NUP35: variants seen among roughly 807,000 people sequenced by gnomAD.
NUP35 encodes the protein nucleoporin 35.
A neutral mutation model predicts 41.5 loss-of-function variants in NUP35; 25 were observed. The ratio of observed to expected loss-of-function variants is 0.60; its 90% confidence interval spans 0.44 to 0.84. The LOEUF (loss-of-function observed/expected upper bound fraction) is 0.84, where lower values mean the gene tolerates loss of function less well. NUP35 is among the 40% of genes least tolerant of loss of function. The pLI is 0.00. For synonymous variants in NUP35, 149 were observed against 130.7 expected, an observed-to-expected ratio of 1.14 and a Z score of -0.96; for missense variants, 396 against 396.6, an observed-to-expected ratio of 1.00 and a Z score of 0.01.
chr2:183,146,061 C>A (rs774230962), intron 4 of NUP35, among the ~76,000 whole-genome samples: 32 of 152,234 alleles, frequency 2.1e-4, no homozygotes, highest in Admixed American at 7.9e-4. Flanking sequence ...CCTGGTGAAA[C>A]CTCGTCTCTA....
intron 5 of NUP35, among the ~76,000 whole-genome samples, chr2:183,155,097 A>G (rs1685607913): frequency 6.6e-6 from 1 of 152,166 alleles, no homozygotes; most frequent in Non-Finnish European, 1.5e-5. Context: ...AACACATGGG[A>G]ATTCTGGGAG....
intron 4 of NUP35, among the ~76,000 whole-genome samples, chr2:183,147,915 AT>A (rs35434258): frequency 0.22 from 31,839 of 145,664 alleles, 3,747 homozygotes; most frequent in African/African-American, 0.32. Flanking sequence ...AGGTATTTTA[AT>A]TTTTTTTTTT....
upstream of NUP35, chr2:183,124,379 C>T: frequency 1.2e-6 from 2 of 1,613,110 alleles, no homozygotes; most frequent in South Asian, 2.2e-5. Flanking sequence ...GGTAGCACGC[C>T]GTTACCCGTG....
At chr2:183,132,382 T>A (rs2105552582) in intron 3 of NUP35, among the ~76,000 whole-genome samples, 1 of 149,428 alleles carries the variant, frequency 6.7e-6, no homozygotes, top group East Asian at 2.0e-4. Context: ...GCGAAACTCT[T>A]GTCTCTACTG....
At chr2:183,160,549 ATT>A in intron 8 of NUP35, 1 of 151,570 alleles carries the variant, frequency 6.6e-6, no homozygotes, top group East Asian at 2.0e-4. Context: ...CGCCCAGCTA[ATT>A]TTTTGTATTT....
intron 1 of NUP35, among the ~76,000 whole-genome samples, chr2:183,125,122 G>A (rs531602590): frequency 1.3e-5 from 2 of 151,804 alleles, no homozygotes; most frequent in Non-Finnish European, 2.9e-5. Flanking sequence ...GCCTTTATTT[G>A]GGGAAAGTGA....
intron 7 of NUP35, 21 bp from the exon 8 acceptor site, chr2:183,159,467 G>A: frequency 3.8e-6 from 6 of 1,594,124 alleles, no homozygotes; most frequent in Non-Finnish European, 5.1e-6. Context: ...AAACAAAGGA[G>A]TTATTTCTTT....
At chr2:183,160,337 C>T (rs1239876664) in intron 8 of NUP35, 2 of 152,044 alleles carry the variant, frequency 1.3e-5, no homozygotes, top group African/African-American at 4.8e-5. Context: ...TCTTTAGGTT[C>T]TATTACTGTT....
rs1700119405 is a variant in NUP35 at position 183,124,490 on chromosome 2, C to T, written c.33C>T (p.Pro11=). 6.2e-7 allele frequency: 1 copy of T among 1,614,138 alleles called. No homozygotes were observed. MAAFAVEPQG[P]ALGSEPMMLG... ...CCTTTGCAGTGGAACCTCAGGGGCCCGCGTTAGGTGAGTGAAATATTGCTT... is the reference window on the plus strand; with the variant it reads ...CCTTTGCAGTGGAACCTCAGGGGCCTGCGTTAGGTGAGTGAAATATTGCTT... Residue 11 remains proline (P), a synonymous_variant, in exon 1 of 9, where the codon CCC becomes CCT. Coordinates refer to ENST00000295119, the MANE Select transcript of NUP35 (RefSeq NM_138285.5).
chr2:183,138,269 A>ATATTTTTTT lies in NUP35; in HGVS notation c.397+4647_397+4648insATTTTTTTT. Among the ~76,000 whole-genome samples the ATATTTTTTT allele has an allele frequency of 1.8e-3, 145 of 80,658 alleles. 1 individual carries two copies. The highest frequency in any genetic ancestry group is 7.9e-3 in the African/African-American group (128 of 16,142). 52.9% of individuals were successfully genotyped at this position (80,658 alleles called of 152,430 possible). A position where few individuals can be genotyped will look rare whatever the true frequency, so the allele number is the denominator to read the frequency against. On this transcript the variant is annotated intron_variant, in intron 4 of 8. Transcript: ENST00000295119. ...GCTATATATATATATATATATATAT[A>ATATTTTTTT]TTTTTTTTTTTTTTTAGCTCCTGTA... is the stretch of plus-strand genomic sequence containing the variant.
intron 4 of NUP35, among the ~76,000 whole-genome samples, chr2:183,149,791 T>C (rs1310632462): frequency 1.3e-5 from 2 of 152,248 alleles, no homozygotes; most frequent in African/African-American, 4.8e-5. Context: ...TTATTTAATA[T>C]TATCCTGTTT....
chr2:183,122,422 T>C (rs1280452221), upstream of NUP35, among the ~76,000 whole-genome samples: 1 of 152,188 alleles, frequency 6.6e-6, no homozygotes, highest in African/African-American at 2.4e-5. Context: ...GAAGTATCAC[T>C]CTTTTCTCTT....
chr2:183,122,756 T>G (rs1461616438), upstream of NUP35, among the ~76,000 whole-genome samples: 1 of 152,192 alleles, frequency 6.6e-6, no homozygotes, highest in Non-Finnish European at 1.5e-5. Context: ...ACATCTAGCC[T>G]CAATGTGTGT....
chr2:183,131,146 A>ATT (rs150480789), intron 3 of NUP35: 19 of 229,056 alleles, frequency 8.3e-5, no homozygotes, highest in South Asian at 9.9e-5. Context: ...GGCTAATTGT[A>ATT]TTTTTTTTTG....
intron 4 of NUP35, among the ~76,000 whole-genome samples, chr2:183,142,857 A>G (rs1298816739): frequency 2.0e-5 from 3 of 151,752 alleles, no homozygotes; most frequent in African/African-American, 7.3e-5. Context: ...ACTTAGAAAT[A>G]TAGCATTCTC....
At chr2:183,156,547 G>C (rs891287203) in intron 5 of NUP35, among the ~76,000 whole-genome samples, 2 of 152,000 alleles carry the variant, frequency 1.3e-5, no homozygotes, top group Non-Finnish European at 2.9e-5. Context: ...CACCAGGTTG[G>C]CCAGGCTGGT....
chr2:183,148,815 C>G (rs187560228), intron 4 of NUP35, among the ~76,000 whole-genome samples: 1 of 152,070 alleles, frequency 6.6e-6, no homozygotes, highest in Non-Finnish European at 1.5e-5. Flanking sequence ...CACACCACTA[C>G]GCCCAGCTAA....
upstream of NUP35, among the ~76,000 whole-genome samples, chr2:183,120,863 T>G (rs10165922): frequency 0.54 from 81,866 of 151,972 alleles, 24,671 homozygotes; most frequent in East Asian, 0.89. Flanking sequence ...GATGTACGGG[T>G]AGGTTGTGCA....
chr2:183,133,646 T>C, intron 4 of NUP35, 23 bp downstream of exon 4: 3 of 1,551,770 alleles, frequency 1.9e-6, no homozygotes, highest in East Asian at 2.3e-5. Flanking sequence ...TTCTTTTTTT[T>C]TTTTTTTTTA....
Sources: allele counts gnomAD v4.1 joint callset (sites outside exome capture counted in the v4.1 genomes callset), GRCh38; gene constraint gnomAD v4.1.1; transcripts MANE v1.5; gene names NCBI Gene and HGNC (gene_info 2026-07-23, HGNC 2026-07-21).